The following LNX1 variants were observed in gnomAD, a reference collection of about 807,000 sequenced individuals.
The protein encoded by LNX1 is ligand of numb-protein X 1.
A neutral mutation model predicts 68.4 loss-of-function variants in LNX1; 54 were observed. That is an observed-to-expected ratio of 0.79 (90% CI 0.63 to 0.99). LNX1 has a LOEUF of 0.99. Ranked by LOEUF, LNX1 falls within the 50% of genes least tolerant of loss-of-function variation. The pLI is 0.00. For missense variants in LNX1, 906 were observed against 926.4 expected (o/e 0.98, Z 0.29); for synonymous variants, 336 against 350.0 (o/e 0.96, Z 0.45).
intron 4 of LNX1, among the ~76,000 whole-genome samples, chr4:53,504,701 G>A (rs901747817): frequency 3.0e-4 from 46 of 152,118 alleles, no homozygotes; most frequent in African/African-American, 1.1e-3. Context: ...AGAGACATGT[G>A]GCTCTTCCTT....
At chr4:53,522,367 T>C (rs1374340766) in intron 2 of LNX1, among the ~76,000 whole-genome samples, 2 of 152,224 alleles carry the variant, frequency 1.3e-5, no homozygotes, top group African/African-American at 4.8e-5. Flanking sequence ...ACTGAAGTGA[T>C]TACTAAAGTC....
chr4:53,549,682 A>G (rs1284720956), intron 2 of LNX1: 1 of 152,166 alleles, frequency 6.6e-6, no homozygotes, highest in Non-Finnish European at 1.5e-5. Context: ...CTTCAAAAAC[A>G]GTTAAAGGAG....
intron 2 of LNX1, among the ~76,000 whole-genome samples, chr4:53,604,590 T>C (rs1026571226): frequency 2.0e-5 from 3 of 152,218 alleles, no homozygotes; most frequent in African/African-American, 7.2e-5. Flanking sequence ...TTTAACTAGA[T>C]GTCCAAAGGC....
intron 2 of LNX1, among the ~76,000 whole-genome samples, chr4:53,601,380 C>T (rs1733007768): frequency 6.6e-6 from 1 of 152,148 alleles, no homozygotes; most frequent in African/African-American, 2.4e-5. Flanking sequence ...TGAGTCTGCC[C>T]AGGGGGTGGA....
At chr4:53,608,404 C>T (rs1438785995) in intron 2 of LNX1, among the ~76,000 whole-genome samples, 4 of 152,180 alleles carry the variant, frequency 2.6e-5, no homozygotes, top group African/African-American at 9.6e-5. Context: ...AAATCAAAGC[C>T]ACAATGTGAT....
intron 2 of LNX1, among the ~76,000 whole-genome samples, chr4:53,509,561 A>G (rs1388478703): frequency 6.6e-6 from 1 of 152,208 alleles, no homozygotes; most frequent in Non-Finnish European, 1.5e-5. Context: ...CCAAATTTGC[A>G]TATACTTTCT....
At chr4:53,467,030 C>T (rs531036114) in intron 9 of LNX1, among the ~76,000 whole-genome samples, 12 of 152,282 alleles carry the variant, frequency 7.9e-5, no homozygotes, top group South Asian at 2.1e-4. Flanking sequence ...GATCTGAGAA[C>T]GGGCAGACTG....
At chr4:53,621,783 G>A (rs1397663473), upstream of LNX1, among the ~76,000 whole-genome samples, 1 of 152,170 alleles carries the variant, frequency 6.6e-6, no homozygotes, top group Non-Finnish European at 1.5e-5. Flanking sequence ...AATGATAGAG[G>A]CAGGGACATG....
chr4:53,479,537 G>A (rs1361840678), intron 7 of LNX1, among the ~76,000 whole-genome samples: 1 of 152,140 alleles, frequency 6.6e-6, no homozygotes, highest in Non-Finnish European at 1.5e-5. Flanking sequence ...AGCGACCAAT[G>A]TCAGCAATGG....
chr4:53,627,151 C>T (rs533626961), intron 1 of LNX1, among the ~76,000 whole-genome samples: 1 of 152,278 alleles, frequency 6.6e-6, no homozygotes, highest in South Asian at 2.1e-4. Context: ...CTTGGTCTCA[C>T]AGGATAATGG....
At chr4:53,510,715 C>T (rs1293908477) in intron 2 of LNX1, among the ~76,000 whole-genome samples, 1 of 152,216 alleles carries the variant, frequency 6.6e-6, no homozygotes, top group Non-Finnish European at 1.5e-5. Flanking sequence ...ATCTGATTAG[C>T]AGTGCATGGA....
At chr4:53,613,104 G>T (rs190996604) in intron 2 of LNX1, among the ~76,000 whole-genome samples, 198 of 149,772 alleles carry the variant, frequency 1.3e-3, no homozygotes, top group African/African-American at 4.6e-3. Flanking sequence ...ATTAATATGG[G>T]CTTTCTGGGT....
intron 2 of LNX1, among the ~76,000 whole-genome samples, chr4:53,565,330 G>A (rs1730588613): frequency 6.6e-6 from 1 of 152,062 alleles, no homozygotes; most frequent in South Asian, 2.1e-4. Flanking sequence ...CCTCAAGTGG[G>A]TCCCTGACCC....
intron 1 of LNX1, among the ~76,000 whole-genome samples, chr4:53,632,231 G>T (rs1734306611): frequency 6.6e-6 from 1 of 152,146 alleles, no homozygotes; most frequent in African/African-American, 2.4e-5. Context: ...GGGGTTTTCA[G>T]GGACCACCAG....
chr4:53,501,304 G>GAGC (rs60960129), intron 4 of LNX1, among the ~76,000 whole-genome samples: 2 of 75,168 alleles, frequency 2.7e-5, no homozygotes, highest in Non-Finnish European at 5.3e-5. Context: ...TTTTTTGGGG[G>GAGC]TGGGGGGACA....
At chr4:53,502,209 C>T (rs1725555485) in intron 4 of LNX1, among the ~76,000 whole-genome samples, 1 of 152,188 alleles carries the variant, frequency 6.6e-6, no homozygotes, top group Admixed American at 6.5e-5. Flanking sequence ...AGTCAGCATC[C>T]CAACATCCAT....
intron 6 of LNX1, among the ~76,000 whole-genome samples, chr4:53,490,935 T>C (rs1426735303): frequency 6.6e-6 from 1 of 152,222 alleles, no homozygotes; most frequent in Non-Finnish European, 1.5e-5. Flanking sequence ...TTAAAAGGTT[T>C]TTCCTGCTTA....
chr4:53,521,628 T>C lies in LNX1; in HGVS notation c.381-13401A>G, dbSNP rs151067002. ...AAATGAGCTTCCTCTTCCCTCCCAATATATTTAAAAGAAACAACCTTACTC... is the reference window on the plus strand; with the variant it reads ...AAATGAGCTTCCTCTTCCCTCCCAACATATTTAAAAGAAACAACCTTACTC... On this transcript the variant is annotated intron_variant, in intron 2 of 10. Transcript: ENST00000263925. 1.6e-3 allele frequency among the ~76,000 whole-genome samples: 244 copies of C among 152,304 alleles called. 2 individuals are homozygous for C. The highest frequency in any genetic ancestry group is 5.6e-3 in the African/African-American group (234 of 41,556).
intron 9 of LNX1, among the ~76,000 whole-genome samples, chr4:53,466,349 A>G (rs1399686020): frequency 3.9e-5 from 6 of 152,246 alleles, no homozygotes; most frequent in African/African-American, 1.4e-4. Context: ...CGTAAAAAAT[A>G]TGTTTAAAAA....
Sources: allele counts gnomAD v4.1 joint callset (sites outside exome capture counted in the v4.1 genomes callset), GRCh38; gene constraint gnomAD v4.1.1; transcripts MANE v1.5; gene names NCBI Gene and HGNC (gene_info 2026-07-23, HGNC 2026-07-21).